The following PSMA3 variants were observed in gnomAD, a reference collection of about 807,000 sequenced individuals.
The protein encoded by PSMA3 is proteasome 20S subunit alpha 3.
Under a neutral mutation model 40.0 loss-of-function variants are expected in PSMA3, and 8 were observed. The ratio of observed to expected loss-of-function variants is 0.20; its 90% CI spans 0.12 to 0.36. The LOEUF is 0.36. Among genes scored for constraint, PSMA3 ranks in the 10% least tolerant of loss-of-function variants. The pLI is 1.00. For synonymous variants in PSMA3, 110 were observed against 100.0 expected (o/e 1.10, Z -0.59); for missense variants, 219 against 310.6 (o/e 0.70, Z 2.22).
At chr14:58,264,912 C>A (rs1657683204) in intron 7 of PSMA3, 1 of 152,196 alleles carries the variant, frequency 6.6e-6, no homozygotes, top group Non-Finnish European at 1.5e-5. Context: ...TTCCTATCTT[C>A]TACTCTTTTC....
At chr14:58,260,809 G>A (rs1467139005) in intron 5 of PSMA3, 139 bp from the exon 6 acceptor site, 5 of 524,540 alleles carry the variant, frequency 9.5e-6, no homozygotes, top group Non-Finnish European at 1.0e-5. Flanking sequence ...TGAAACCACT[G>A]TTTCAAAGTA....
At chr14:58,270,785 C>A in intron 9 of PSMA3, 149 bp from the exon 10 acceptor site, 2 of 780,028 alleles carry the variant, frequency 2.6e-6, no homozygotes, top group Non-Finnish European at 2.0e-6. Context: ...GTAGAAGCAG[C>A]ACACAAAAAT....
chr14:58,246,408 T>C (rs1889881478), intron 1 of PSMA3, among the ~76,000 whole-genome samples: 1 of 152,234 alleles, frequency 6.6e-6, no homozygotes, highest in Admixed American at 6.5e-5. Flanking sequence ...TTTTTATTTT[T>C]ATTTTGTTTG....
intron 3 of PSMA3, among the ~76,000 whole-genome samples, chr14:58,253,920 A>G (rs11624108): frequency 6.6e-6 from 1 of 152,184 alleles, no homozygotes; most frequent in Non-Finnish European, 1.5e-5. Context: ...TTAAAGGATG[A>G]ATAGTATTCC....
Position 58,260,984 on chromosome 14 carries a change from G to C in PSMA3, c.441G>C (p.Ala147=). The change falls in exon 6 of 11, where the codon GCG becomes GCC. Residue 147 remains alanine (A), a synonymous_variant. Coordinates refer to ENST00000216455, the MANE Select transcript of PSMA3 (RefSeq NM_002788.4). Reference sequence around the variant, plus strand: ...GGTCTTACAGTGTGAATGACGGTGCGCAACTCTACATGATTGACCCATCAG... The same window carrying C: ...GGTCTTACAGTGTGAATGACGGTGCCCAACTCTACATGATTGACCCATCAG... ...MLGSYSVNDG[A]QLYMIDPSGV... 1 of 1,612,190 alleles carries C rather than the reference G, an allele frequency of 6.2e-7. No individual in the cohort carries two copies.
At position 58,259,648 on chromosome 14, in the gene PSMA3, A is replaced by C. The variant is rs1594828749; in HGVS notation, c.405-1300A>C. 2.0e-5 allele frequency among the ~76,000 whole-genome samples: 3 copies of C among 152,174 alleles called. 1 individual carries two copies. The highest frequency in any genetic ancestry group is 7.2e-5 in the African/African-American group (3 of 41,430). ...TTTAGTAAACATCTATTGGGCACTG[A>C]GTTAGTCATAAATGTGGAGACACAG... On this transcript the variant is annotated intron_variant, in intron 5 of 10. Coordinates refer to ENST00000216455, the MANE Select transcript of PSMA3 (RefSeq NM_002788.4).
chr14:58,263,357 T>C (rs539018663), intron 6 of PSMA3, among the ~76,000 whole-genome samples: 1 of 152,268 alleles, frequency 6.6e-6, no homozygotes, highest in South Asian at 2.1e-4. Context: ...TCATAGGAAT[T>C]AACTTTATTT....
intron 7 of PSMA3, chr14:58,264,911 T>G (rs950142776): frequency 1.2e-4 from 18 of 152,266 alleles, no homozygotes; most frequent in African/African-American, 4.3e-4. Context: ...GTTCCTATCT[T>G]CTACTCTTTT....
At chr14:58,265,707 G>T (rs1001726061) in intron 7 of PSMA3, 1 of 152,134 alleles carries the variant, frequency 6.6e-6, no homozygotes, top group African/African-American at 2.4e-5. Flanking sequence ...AAATAGATTT[G>T]CCATTTAAAA....
chr14:58,271,447 C>T (rs1225203184), intron 10 of PSMA3, among the ~76,000 whole-genome samples: 3 of 151,138 alleles, frequency 2.0e-5, no homozygotes, highest in South Asian at 2.1e-4. Context: ...CTCCTGCCTC[C>T]GCCTCCCAAG....
At position 58,263,775 on chromosome 14, in the gene PSMA3, T is replaced by C. The variant is rs1243120238; in HGVS notation, c.543+5T>C. ...ACGGAAATAGAGAAGCTTCAGGTAA[T>C]AATTAATGCTTGAATTTTTACTATG... is the stretch of plus-strand genomic sequence containing the variant. On this transcript the variant is annotated splice_donor_5th_base_variant and intron_variant, in intron 7 of 10. Coordinates refer to ENST00000216455, the MANE Select transcript of PSMA3 (RefSeq NM_002788.4). The C allele has an allele frequency of 6.2e-7, 1 of 1,612,336 alleles. No individual in the cohort carries two copies. Among genetic ancestry groups the C allele is most frequent in the Non-Finnish European group, 8.5e-7 (1 of 1,178,530 alleles).
intron 5 of PSMA3, among the ~76,000 whole-genome samples, chr14:58,259,125 TC>T (rs1890213234): frequency 6.6e-6 from 1 of 151,792 alleles, no homozygotes; most frequent in Admixed American, 6.6e-5. Flanking sequence ...AGAGACGGGG[TC>T]TCACCATGCT....
chr14:58,260,822 T>C lies in PSMA3; in HGVS notation c.405-126T>C. The C allele has an allele frequency of 5.3e-6, 3 of 563,964 alleles. No individual in the cohort carries two copies. In the South Asian group the frequency reaches 8.1e-5, roughly 15 times the overall value. 34.9% of individuals were successfully genotyped at this position (563,964 alleles called of 1,614,324 possible). A position where few individuals can be genotyped will look rare whatever the true frequency, so the allele number is the denominator to read the frequency against. On this transcript the variant is annotated intron_variant, in intron 5 of 10. Transcript: ENST00000216455. ...ATTGAAACCACTGTTTCAAAGTACTTACTGAGTTATATGTGTATTAGTAAT... is the reference window on the plus strand; with the variant it reads ...ATTGAAACCACTGTTTCAAAGTACTCACTGAGTTATATGTGTATTAGTAAT...
chr14:58,253,965 T>G (rs981173462), intron 3 of PSMA3, among the ~76,000 whole-genome samples: 1 of 152,000 alleles, frequency 6.6e-6, no homozygotes, highest in Non-Finnish European at 1.5e-5. Flanking sequence ...TTACTGTTTT[T>G]TTGTTGTTGT....
intron 7 of PSMA3, chr14:58,266,407 A>T (rs1890444779): frequency 6.6e-6 from 1 of 152,210 alleles, no homozygotes; most frequent in Non-Finnish European, 1.5e-5. Context: ...ACAGTAGATG[A>T]AGGGCAGTTT....
intron 2 of PSMA3, among the ~76,000 whole-genome samples, chr14:58,249,647 G>A (rs1034878868): frequency 6.6e-6 from 1 of 151,972 alleles, no homozygotes; most frequent in Non-Finnish European, 1.5e-5. Flanking sequence ...CAAGGTAGTT[G>A]GGACTACAGG....
intron 8 of PSMA3, 178 bp downstream of exon 8, chr14:58,267,698 T>A: frequency 8.7e-7 from 1 of 1,151,644 alleles, no homozygotes; most frequent in Non-Finnish European, 1.1e-6. Context: ...TAAGCAATAT[T>A]TTTTAGTAGT....
chr14:58,254,333 C>CATGTATATATAT (rs1890090377), intron 3 of PSMA3, among the ~76,000 whole-genome samples: 1 of 23,798 alleles, frequency 4.2e-5, no homozygotes. Flanking sequence ...ATTATGCATG[C>CATGTATATATAT]ATATATATAT....
chr14:58,271,951 T>G lies in PSMA3; in HGVS notation c.*56T>G. 2 of 1,311,726 alleles carry G rather than the reference T, an allele frequency of 1.5e-6. No individual in the cohort carries two copies. The highest frequency in any genetic ancestry group is 2.2e-6 in the Non-Finnish European group (2 of 912,200). The allele number at this position is 1,311,726 out of a possible 1,614,324, so 81.3% of individuals were successfully genotyped here. A position where few individuals can be genotyped will look rare whatever the true frequency, so the allele number is the denominator to read the frequency against. ...TTTCTACTCCAGTCCAATGTAACTA[T>G]TTAGCCCTGGATTATACATACTGTC... On this transcript the variant is annotated 3_prime_UTR_variant, in exon 11 of 11. Transcript: ENST00000216455.
Sources: allele counts gnomAD v4.1 joint callset (sites outside exome capture counted in the v4.1 genomes callset), GRCh38; gene constraint gnomAD v4.1.1; transcripts MANE v1.5; gene names NCBI Gene and HGNC (gene_info 2026-07-23, HGNC 2026-07-21).